Variants in STRIP2 observed in about 807,000 individuals in gnomAD.
STRIP2 encodes striatin interacting protein 2, also known as striatin-interacting protein 2.
Under a neutral mutation model 107.1 loss-of-function variants are expected in STRIP2, and 84 were observed. The ratio of observed to expected loss-of-function variants is 0.78; its 90% CI spans 0.66 to 0.94. STRIP2 has a LOEUF of 0.94. STRIP2 is among the 40% of genes least tolerant of loss of function. The probability of loss-of-function intolerance (pLI) is 0.00; values close to 1 mark genes in which losing one functional copy is unlikely to be tolerated. For synonymous variants in STRIP2, 394 were observed against 400.4 expected (o/e 0.98, Z 0.19); for missense variants, 888 against 1,034.2 (o/e 0.86, Z 1.94).
intron 20 of STRIP2, chr7:129,484,442 C>T (rs1799197861): frequency 6.6e-6 from 1 of 152,140 alleles, no homozygotes; most frequent in Non-Finnish European, 1.5e-5. Flanking sequence ...CTTGTCTTTG[C>T]TGTGTTTGTA....
At chr7:129,460,758 G>A (rs1158253978) in intron 13 of STRIP2, among the ~76,000 whole-genome samples, 1 of 152,212 alleles carries the variant, frequency 6.6e-6, no homozygotes, top group Non-Finnish European at 1.5e-5. Flanking sequence ...AGAGAGAACA[G>A]CCTTAGCAAG....
intron 2 of STRIP2, among the ~76,000 whole-genome samples, chr7:129,441,217 GC>G (rs1240188176): frequency 6.6e-6 from 1 of 152,068 alleles, no homozygotes; most frequent in Non-Finnish European, 1.5e-5. Context: ...AAACTTAAAA[GC>G]CTGGGGTTGG....
chr7:129,474,890 C>T (rs954617143), intron 18 of STRIP2, among the ~76,000 whole-genome samples: 1 of 152,162 alleles, frequency 6.6e-6, no homozygotes, highest in Non-Finnish European at 1.5e-5. Context: ...CTCTAAACAG[C>T]ATGATGAACA....
At position 129,454,145 on chromosome 7, in the gene STRIP2, C is replaced by T; in HGVS notation, c.534C>T (p.Asn178=). The T allele has an allele frequency of 6.2e-7, 1 of 1,614,062 alleles. No individual in the cohort carries two copies. Among genetic ancestry groups the T allele is most frequent in the South Asian group, 1.1e-5 (1 of 91,072 alleles). Residue 178 remains asparagine, a synonymous_variant, in exon 6 of 21, where the codon AAC becomes AAT. Transcript: ENST00000249344. ...FLELLHMEID[N]SQACSSALRK... is the part of the protein sequence containing the mutation. ...TCTTTTTCTCCTCCCCTGGCAGCAACAGCCAGGCCTGTAGCAGTGCCCTTC... is the reference window on the plus strand; with the variant it reads ...TCTTTTTCTCCTCCCCTGGCAGCAATAGCCAGGCCTGTAGCAGTGCCCTTC...
intron 16 of STRIP2, among the ~76,000 whole-genome samples, chr7:129,467,133 G>C (rs1201374208): frequency 1.3e-5 from 2 of 152,110 alleles, no homozygotes; most frequent in African/African-American, 4.8e-5. Flanking sequence ...TCTTTGTTTT[G>C]TGCTTGTGAC....
At chr7:129,456,684 C>A in intron 9 of STRIP2, 42 bp downstream of exon 9, 3 of 1,548,154 alleles carry the variant, frequency 1.9e-6, no homozygotes, top group Non-Finnish European at 2.7e-6. Flanking sequence ...CACCGACTGG[C>A]CAAAAATCAA....
chr7:129,482,956 C>T lies in STRIP2; in HGVS notation c.2164C>T (p.Arg722Cys), dbSNP rs749775543. 1.2e-5 allele frequency: 19 copies of T among 1,613,966 alleles called. No individual in the cohort carries two copies. The highest frequency in any genetic ancestry group is 4.5e-5 in the East Asian group (2 of 44,894). Reference sequence around the variant, plus strand: ...AAAGTTACAGACCAAGTACCTGGGGCGCCAATGGAGGAAAAGCAACATGAA... The same window carrying T: ...AAAGTTACAGACCAAGTACCTGGGGTGCCAATGGAGGAAAAGCAACATGAA... Reference protein sequence around the residue: ...LLKLQTKYLGRQWRKSNMKTM... With the variant: ...LLKLQTKYLGCQWRKSNMKTM... The change falls in exon 20 of 21, where the codon CGC (arginine) becomes TGC (cysteine). Residue 722 changes from arginine (R) to cysteine (C), a missense_variant. Physicochemically the swap from Arg to Cys is radical, Grantham distance 180 (BLOSUM62 -3). Coordinates refer to ENST00000249344, the MANE Select transcript of STRIP2 (RefSeq NM_020704.3).
chr7:129,480,183 A>G (rs1426440136), intron 18 of STRIP2, among the ~76,000 whole-genome samples: 2 of 152,178 alleles, frequency 1.3e-5, no homozygotes, highest in African/African-American at 4.8e-5. Flanking sequence ...TTAATCTGAC[A>G]TCCATCTGTT....
chr7:129,439,361 T>A (rs1000014712), intron 1 of STRIP2, among the ~76,000 whole-genome samples: 1 of 152,180 alleles, frequency 6.6e-6, no homozygotes, highest in Non-Finnish European at 1.5e-5. Context: ...AGATTGAAAA[T>A]TTTAAAAATT....
intron 18 of STRIP2, among the ~76,000 whole-genome samples, chr7:129,472,115 G>T (rs1798802275): frequency 6.6e-6 from 1 of 152,106 alleles, no homozygotes; most frequent in Non-Finnish European, 1.5e-5. Context: ...TGGAAGTCAG[G>T]GTAGAGAGAC....
chr7:129,456,421 T>G lies in STRIP2; in HGVS notation c.835-18T>G. 2 of 1,612,550 alleles carry G rather than the reference T, an allele frequency of 1.2e-6. No homozygotes were observed. The highest frequency in any genetic ancestry group is 1.7e-6 in the Non-Finnish European group (2 of 1,178,640). ...CCTTCCTTCCTCTCTCTCTGCCCCT[T>G]TCCTGTTTCTTCCTTAGTTTACCCT... is the stretch of plus-strand genomic sequence containing the variant. On this transcript the variant is annotated intron_variant, in intron 8 of 20. Coordinates refer to ENST00000249344, the MANE Select transcript of STRIP2 (RefSeq NM_020704.3).
chr7:129,456,332 G>GGACTGGAGGTT, intron 8 of STRIP2, 107 bp from the exon 9 acceptor site: 1 of 924,402 alleles, frequency 1.1e-6, no homozygotes, highest in South Asian at 1.6e-5. Context: ...AGGTCTGAAG[G>GGACTGGAGGTT]GACTGGAGGT....
intron 1 of STRIP2, 76 bp downstream of exon 1, chr7:129,434,677 C>G: frequency 1.4e-6 from 2 of 1,392,444 alleles, no homozygotes; most frequent in Non-Finnish European, 9.3e-7. Context: ...GTGATTCGGC[C>G]TCGGCCCCGG....
Position 129,458,229 on chromosome 7 carries a change from G to C in STRIP2, c.1053G>C (p.Lys351Asn), listed in dbSNP as rs771755331. The stretch of plus-strand genomic sequence containing the variant: ...TTCCCCTCCAGCAACTCCTCACTAA[G>C]CAGGACAGCCTGGACATCTACAATG... The part of the protein sequence containing the change: ...RRGSRRQLLT[K>N]QDSLDIYNER... The change falls in exon 10 of 21, where the codon AAG becomes AAC. Residue 351 changes from lysine (K) to asparagine (N), a missense_variant. Transcript: ENST00000249344. This position sits in a 1 kb window ranked among gnomAD's most constrained non-coding sequence, Gnocchi z 4.6. 4 of 1,614,104 alleles carry C rather than the reference G, an allele frequency of 2.5e-6. No individual in the cohort carries two copies. Among genetic ancestry groups the C allele is most frequent in the Non-Finnish European group, 3.4e-6 (4 of 1,179,986 alleles).
chr7:129,458,713 C>G lies in STRIP2; in HGVS notation c.1276C>G (p.Gln426Glu). ...TTGGTCTTTCCACCATCCTCTCAGACAGAAGGACATTGAGCACTTCTTGGA... is the reference window on the plus strand; with the variant it reads ...TTGGTCTTTCCACCATCCTCTCAGAGAGAAGGACATTGAGCACTTCTTGGA... ...KGLPWAPKVR[Q>E]KDIEHFLEMS... The change falls in exon 11 of 21, where the codon CAG becomes GAG. Residue 426 changes from glutamine (Q) to glutamate (E), a missense_variant and splice_region_variant. Physicochemically the swap from Gln to Glu is conservative, Grantham distance 29 (BLOSUM62 2). Transcript: ENST00000249344. The surrounding 1 kb of genome is among the most constrained non-coding windows in gnomAD (Gnocchi z 4.6). The G allele has an allele frequency of 6.2e-7, 1 of 1,614,140 alleles. No homozygotes were observed. Among genetic ancestry groups the G allele is most frequent in the South Asian group, 1.1e-5 (1 of 91,086 alleles).
rs1799268310 is a variant in STRIP2 at position 129,487,444 on chromosome 7, C to T, written c.*1615C>T. ...AAATTTGCTTATTTACTCTGCCCCT[C>T]GTCAACCACAGTATCATTTCAAGGA... On this transcript the variant is annotated 3_prime_UTR_variant, in exon 21 of 21. Coordinates refer to ENST00000249344, the MANE Select transcript of STRIP2 (RefSeq NM_020704.3). 6.6e-6 allele frequency: 1 copy of T among 152,134 alleles called. No homozygotes were observed. The highest frequency in any genetic ancestry group is 1.9e-4 in the East Asian group (1 of 5,204). The allele number at this position is 152,134 out of a possible 1,614,324, so 9.4% of individuals were successfully genotyped here. A position where few individuals can be genotyped will look rare whatever the true frequency, so the allele number is the denominator to read the frequency against.
At chr7:129,451,794 G>A in intron 4 of STRIP2, 47 bp downstream of exon 4, 1 of 1,609,574 alleles carries the variant, frequency 6.2e-7, no homozygotes, top group South Asian at 1.1e-5. Context: ...GGCTTGAGAG[G>A]GAAGTGGGCA....
intron 18 of STRIP2, among the ~76,000 whole-genome samples, chr7:129,474,573 A>G (rs548922693): frequency 6.6e-6 from 1 of 151,746 alleles, no homozygotes; most frequent in African/African-American, 2.4e-5. Flanking sequence ...GCAGTGGCGC[A>G]ATCTCTGCTC....
At position 129,474,036 on chromosome 7, in the gene STRIP2, G is replaced by T. The variant is rs543869347; in HGVS notation, c.1944+3321G>T. ...GCAGCCCAGGACATAATTTTTAATA[G>T]TTACACATAATATTCCACTATTTAG... On this transcript the variant is annotated intron_variant, in intron 18 of 20. Coordinates refer to ENST00000249344, the MANE Select transcript of STRIP2 (RefSeq NM_020704.3). Among the ~76,000 whole-genome samples, 6 of 152,260 alleles carry T rather than the reference G, an allele frequency of 3.9e-5. No individual in the cohort carries two copies. In the South Asian group the frequency reaches 1.2e-3, roughly 32 times the overall value.
Sources: gnomAD v4.1 joint callset for allele counts (sites outside exome capture counted in the v4.1 genomes callset) on GRCh38, gnomAD v4.1.1 for gene constraint, Gnocchi (gnomAD v3.1) non-coding constraint, MANE v1.5 for transcripts, NCBI Gene and HGNC (gene_info 2026-07-23, HGNC 2026-07-21) for gene names.